CBX7: variants seen among roughly 807,000 people sequenced by gnomAD.
CBX7 encodes the protein chromobox 7.
Under a neutral mutation model 31.4 loss-of-function variants are expected in CBX7, and 14 were observed. The ratio of observed to expected loss-of-function variants is 0.45; its 90% CI spans 0.29 to 0.70. The LOEUF (loss-of-function observed/expected upper bound fraction) is 0.70, where lower values mean the gene tolerates loss of function less well. Ranked by LOEUF, CBX7 falls within the 30% of genes least tolerant of loss-of-function variation. The pLI is 0.11. For missense variants in CBX7, 269 were observed against 351.9 expected (o/e 0.76, Z 1.89); for synonymous variants, 159 against 152.6 (o/e 1.04, Z -0.31).
rs558104881 is a variant in CBX7 at position 39,133,627 on chromosome 22, C to T, written c.*264G>A. The T allele has an allele frequency of 6.1e-5, 21 of 343,570 alleles. No individual in the cohort carries two copies. Among genetic ancestry groups the T allele is most frequent in the East Asian group, 1.5e-4 (3 of 19,828 alleles). 21.3% of individuals were successfully genotyped at this position (343,570 alleles called of 1,614,324 possible). A position where few individuals can be genotyped will look rare whatever the true frequency, so the allele number is the denominator to read the frequency against. ...GAGGAGAATGATAATGGTGGTGTCC[C>T]GGGCAGGTGATCCTGTCCCCATCCT... is the stretch of plus-strand genomic sequence containing the variant. On this transcript the variant is annotated 3_prime_UTR_variant, in exon 6 of 6. Coordinates refer to ENST00000216133, the MANE Select transcript of CBX7 (RefSeq NM_175709.5).
chr22:39,134,902 C>T (rs1474571408), intron 4 of CBX7, 150 bp from the exon 5 acceptor site: 1 of 617,942 alleles, frequency 1.6e-6, no homozygotes, highest in Non-Finnish European at 2.8e-6. Flanking sequence ...CATCACCCCA[C>T]CCCACCCCAG....
Position 39,135,190 on chromosome 22 carries a change from T to C in CBX7, c.247-438A>G, listed in dbSNP as rs192014338. Reference sequence around the variant, plus strand: ...GCAGGCAGAGGGCCAAGGTGTGCTCTTGGAGTTGCTTGGGGCAAAGCCAGG... The same window carrying C: ...GCAGGCAGAGGGCCAAGGTGTGCTCCTGGAGTTGCTTGGGGCAAAGCCAGG... On this transcript the variant is annotated intron_variant, in intron 4 of 5. Coordinates refer to ENST00000216133, the MANE Select transcript of CBX7 (RefSeq NM_175709.5). 1,165 of 162,792 alleles carry C rather than the reference T, an allele frequency of 7.2e-3. 7 individuals carry two copies. The highest frequency in any genetic ancestry group is 0.031 in the Middle Eastern group (10 of 324). The allele number at this position is 162,792 out of a possible 1,614,324, so 10.1% of individuals were successfully genotyped here.
chr22:39,145,855 C>G (rs554978345), intron 2 of CBX7, among the ~76,000 whole-genome samples: 1 of 151,838 alleles, frequency 6.6e-6, no homozygotes, highest in Non-Finnish European at 1.5e-5. Context: ...CCGCGCAGGG[C>G]TCGCCCTGCT....
Position 39,152,525 on chromosome 22 carries a change from T to TG in CBX7, c.-82dup. 1 of 607,700 alleles carries TG rather than the reference T, an allele frequency of 1.6e-6. No homozygotes were observed. The highest frequency in any genetic ancestry group is 2.1e-6 in the Non-Finnish European group (1 of 486,082). The allele number at this position is 607,700 out of a possible 1,614,324, so 37.6% of individuals were successfully genotyped here. A position where few individuals can be genotyped will look rare whatever the true frequency, so the allele number is the denominator to read the frequency against. ...GGGCCGCGGCTGCGGCGCGCGATGCTGGGGCTGGCGGGGTCCCCGTCACCC... is the reference window on the plus strand; with the variant it reads ...GGGCCGCGGCTGCGGCGCGCGATGCTGGGGGCTGGCGGGGTCCCCGTCACCC... On this transcript the variant is annotated 5_prime_UTR_variant, in exon 1 of 6. Coordinates refer to ENST00000216133, the MANE Select transcript of CBX7 (RefSeq NM_175709.5). The surrounding 1 kb of genome is among the most constrained non-coding windows in gnomAD (Gnocchi z 4.9).
At chr22:39,139,905 G>A (rs1407304697) in intron 3 of CBX7, among the ~76,000 whole-genome samples, 1 of 151,946 alleles carries the variant, frequency 6.6e-6, no homozygotes, top group African/African-American at 2.4e-5. Flanking sequence ...ACTCCAGCCT[G>A]GGAGACAGGG....
chr22:39,145,188 C>A (rs1014221249), intron 2 of CBX7, among the ~76,000 whole-genome samples: 2 of 152,222 alleles, frequency 1.3e-5, no homozygotes, highest in Non-Finnish European at 1.5e-5. Flanking sequence ...AACAGGGTCG[C>A]ACTTGGCTGC....
At chr22:39,134,894 T>TCACCC (rs1368068768) in intron 4 of CBX7, 142 bp from the exon 5 acceptor site, 3 of 632,432 alleles carry the variant, frequency 4.7e-6, no homozygotes, top group Non-Finnish European at 8.0e-6. Context: ...CGGCTGGCCA[T>TCACCC]CACCCCACCC....
chr22:39,141,450 T>C lies in CBX7; in HGVS notation c.114-14A>G, dbSNP rs1930452749. 1 of 1,609,704 alleles carries C rather than the reference T, an allele frequency of 6.2e-7. No homozygotes were observed. Among genetic ancestry groups the C allele is most frequent in the Non-Finnish European group, 8.5e-7 (1 of 1,178,290 alleles). The stretch of plus-strand genomic sequence containing the variant: ...CACGTGCTGTACCTGGGGAGAGGAA[T>C]GAAAGGTCAGAGTTGGGGCTGGGCG... On this transcript the variant is annotated splice_polypyrimidine_tract_variant and intron_variant, in intron 2 of 5. Transcript: ENST00000216133.
In CBX7 at chr22:39,133,910, T is replaced by G; in HGVS notation, c.737A>C (p.Asp246Ala). 6.2e-7 allele frequency: 1 copy of G among 1,611,536 alleles called. No individual in the cohort carries two copies. The highest frequency in any genetic ancestry group is 8.5e-7 in the Non-Finnish European group (1 of 1,178,718). ...EAQAAEGFFR[D>A]RSGKF ...GGTGATTCAGAACTTCCCACTGCGG[T>G]CTCGGAAGAAGCCCTCAGCTGCCTG... The change falls in exon 6 of 6, where the codon GAC (aspartate) becomes GCC (alanine). Residue 246 changes from aspartate (D) to alanine (A), a missense_variant. This residue lies in a region of CBX7 where 222 missense variants were observed against 240.4 expected (regional missense o/e 0.92). Transcript: ENST00000216133.
chr22:39,149,557 C>T, intron 2 of CBX7: 1 of 567,530 alleles, frequency 1.8e-6, no homozygotes, highest in Non-Finnish European at 3.1e-6. Flanking sequence ...AGCAGAGGAG[C>T]TCAACACTCA....
At chr22:39,150,090 C>T (rs1601568264) in intron 1 of CBX7, among the ~76,000 whole-genome samples, 1 of 152,368 alleles carries the variant, frequency 6.6e-6, no homozygotes, top group East Asian at 1.9e-4. Flanking sequence ...TCTGAGGCTC[C>T]TGAGGCCCAA....
In CBX7 at chr22:39,152,558, GGCGCGCACGCGCACGCGCAC is replaced by G; in HGVS notation, c.-134_-115del. On this transcript the variant is annotated 5_prime_UTR_variant, in exon 1 of 6. An upstream open reading frame in the 5' UTR loses its in-frame stop. Coordinates refer to ENST00000216133, the MANE Select transcript of CBX7 (RefSeq NM_175709.5). This position sits in a 1 kb window ranked among gnomAD's most constrained non-coding sequence, Gnocchi z 4.9. ...GCGGGGTCCCCGTCACCCTCGTCCG[GGCGCGCACGCGCACGCGCAC>G]GCGCGCACACCCCCTCGCGCTCCCT... is the stretch of plus-strand genomic sequence containing the variant. 1 of 302,782 alleles carries G rather than the reference GGCGCGCACGCGCACGCGCAC, an allele frequency of 3.3e-6. No homozygotes were observed. The highest frequency in any genetic ancestry group is 4.8e-6 in the Non-Finnish European group (1 of 207,392). 18.8% of individuals were successfully genotyped at this position (302,782 alleles called of 1,614,324 possible).
chr22:39,135,383 C>T (rs139485770), intron 4 of CBX7: 1 of 152,470 alleles, frequency 6.6e-6, no homozygotes, highest in East Asian at 1.9e-4. Context: ...GCAAGTCTGT[C>T]CACCCCTGGA....
chr22:39,150,548 C>T (rs751992777), intron 1 of CBX7, among the ~76,000 whole-genome samples: 1 of 152,146 alleles, frequency 6.6e-6, no homozygotes, highest in South Asian at 2.1e-4. Flanking sequence ...GCTGGAAGAT[C>T]GCTTGAGCCC....
Position 39,134,450 on chromosome 22 carries a change from C to T in CBX7, c.549G>A (p.Leu183=), listed in dbSNP as rs1203952933. 1.2e-6 allele frequency: 2 copies of T among 1,606,386 alleles called. No individual in the cohort carries two copies. The highest frequency in any genetic ancestry group is 2.7e-5 in the African/African-American group (2 of 74,934). Residue 183 remains leucine (L), a synonymous_variant, in exon 5 of 6, where the codon CTG becomes CTA. Coordinates refer to ENST00000216133, the MANE Select transcript of CBX7 (RefSeq NM_175709.5). ...CAGGCTCCCACTCGCCAGCCGCCTG[C>T]AGGACGTCTGGGGCCGGTGGCTCCT... is the stretch of plus-strand genomic sequence containing the variant. The part of the protein sequence containing the change: ...FLQEPPAPDV[L]QAAGEWEPAA...
In CBX7 at chr22:39,141,418, T is replaced by C. The variant is rs763244752; in HGVS notation, c.132A>G (p.Pro44=). Reference sequence around the variant, plus strand: ...GGCGGGGGTCCAAGATGTGCTCTTCTGGCTCCCACGTGCTGTACCTGGGGA... The same window carrying C: ...GGCGGGGGTCCAAGATGTGCTCTTCCGGCTCCCACGTGCTGTACCTGGGGA... The part of the protein sequence containing the change: ...GWPPKYSTWE[P]EEHILDPRLV... Residue 44 remains proline, a synonymous_variant, in exon 3 of 6, where the codon CCA becomes CCG. Transcript: ENST00000216133. The C allele has an allele frequency of 5.6e-6, 9 of 1,612,224 alleles. No individual in the cohort carries two copies. In the Admixed American group the frequency reaches 1.2e-4, roughly 21 times the overall value.
chr22:39,139,808 T>C (rs1357411459), intron 3 of CBX7, among the ~76,000 whole-genome samples: 3 of 151,618 alleles, frequency 2.0e-5, no homozygotes, highest in Non-Finnish European at 4.4e-5. Flanking sequence ...CATACACCTG[T>C]AGTCCCAACT....
intron 3 of CBX7, 85 bp downstream of exon 3, chr22:39,141,286 C>A (rs1930445831): frequency 2.4e-6 from 3 of 1,260,180 alleles, no homozygotes; most frequent in African/African-American, 1.5e-5. Context: ...CCTGCCCCAA[C>A]AACCCCTGCC....
chr22:39,132,031 C>A lies in CBX7; in HGVS notation c.*1860G>T, dbSNP rs1930061292. ...CTTGTCCAGACCCACCCCACGTATT[C>A]CTCTAGATTCCATTCCCTGGGCTGG... On this transcript the variant is annotated 3_prime_UTR_variant, in exon 6 of 6. Transcript: ENST00000216133. The A allele has an allele frequency of 6.6e-6, 1 of 152,270 alleles. No individual in the cohort carries two copies. The highest frequency in any genetic ancestry group is 1.9e-4 in the East Asian group (1 of 5,192). The allele number at this position is 152,270 out of a possible 1,614,324, so 9.4% of individuals were successfully genotyped here.
Sources: allele counts gnomAD v4.1 joint callset (sites outside exome capture counted in the v4.1 genomes callset), GRCh38; gene constraint gnomAD v4.1.1; regional missense constraint gnomAD v4.1.1; non-coding constraint Gnocchi (gnomAD v3.1); transcripts MANE v1.5; gene names NCBI Gene and HGNC (gene_info 2026-07-23, HGNC 2026-07-21).